Variants in POLR3A observed in about 807,000 individuals in gnomAD.
POLR3A encodes the protein DNA-directed RNA polymerase III subunit RPC1.
A neutral mutation model predicts 152.8 loss-of-function variants in POLR3A; 112 were observed. That is an observed-to-expected ratio of 0.73 (90% confidence interval 0.63 to 0.86). The LOEUF is 0.86. Ranked by LOEUF, POLR3A falls within the 40% of genes least tolerant of loss-of-function variation. POLR3A has a pLI of 0.00. For synonymous variants in POLR3A, 615 were observed against 652.1 expected, an observed-to-expected ratio of 0.94 and a Z score of 0.87; for missense variants, 1,385 against 1,743.1, an observed-to-expected ratio of 0.79 and a Z score of 3.66.
In POLR3A at chr10:77,991,127, T is replaced by C. The variant is rs1245292853; in HGVS notation, c.2828A>G (p.Asn943Ser). ...PCPSEPALSK[N>S]ELILTTESIM... Reference sequence around the variant, plus strand: ...GGACTCTGTGGTCAGGATCAGCTCGTTTTTGCTGAGAGCAGGCTCACTGGG... The same window carrying C: ...GGACTCTGTGGTCAGGATCAGCTCGCTTTTGCTGAGAGCAGGCTCACTGGG... Residue 943 changes from asparagine (N) to serine (S), a missense_variant, in exon 21 of 31, where the codon AAC becomes AGC. By Grantham distance (46) the Asn-to-Ser change is conservative. This residue lies in a region of POLR3A where 178 missense variants were observed against 204.6 expected (regional missense o/e 0.87). Coordinates refer to ENST00000372371, the MANE Select transcript of POLR3A (RefSeq NM_007055.4). 1 of 1,613,370 alleles carries C rather than the reference T, an allele frequency of 6.2e-7. No homozygotes were observed. Among genetic ancestry groups the C allele is most frequent in the Non-Finnish European group, 8.5e-7 (1 of 1,179,480 alleles).
chr10:77,981,791 G>A (rs890592709), intron 28 of POLR3A, among the ~76,000 whole-genome samples: 3 of 150,424 alleles, frequency 2.0e-5, no homozygotes, highest in Admixed American at 6.7e-5. Context: ...TTGGGAGGCC[G>A]AGGCGGGCGG....
chr10:77,978,952 G>A (rs1381842475), intron 30 of POLR3A, among the ~76,000 whole-genome samples: 1 of 151,872 alleles, frequency 6.6e-6, no homozygotes, highest in East Asian at 1.9e-4. Context: ...GTGAGCCACC[G>A]CGCCCGGCCC....
chr10:77,984,204 C>T lies in POLR3A; in HGVS notation c.3336+1G>A, dbSNP rs773370487. ...TGTTATCAATAGGGATTTCTTCTTA[C>T]CTCTCCCAAGAGGGTTTTCTCAATT... On this transcript the variant is annotated splice_donor_variant, in intron 25 of 30. Coordinates refer to ENST00000372371, the MANE Select transcript of POLR3A (RefSeq NM_007055.4). LOFTEE classifies it high-confidence loss of function. The T allele has an allele frequency of 6.3e-7, 1 of 1,588,668 alleles. No individual in the cohort carries two copies. The highest frequency in any genetic ancestry group is 2.2e-5 in the East Asian group (1 of 44,754).
At position 77,997,091 on chromosome 10, in the gene POLR3A, G is replaced by A. The variant is rs535121722; in HGVS notation, c.2616+2890C>T. 2.6e-5 allele frequency among the ~76,000 whole-genome samples: 4 copies of A among 152,094 alleles called. No individual in the cohort carries two copies. The East Asian group carries it at 7.7e-4, about 29-fold the overall frequency. On this transcript the variant is annotated intron_variant, in intron 19 of 30. Transcript: ENST00000372371. ...TGATTATCTCAATAGATGCAGAAAG[G>A]CCTTTGACAAAATTCAACAACCCTT...
chr10:77,996,902 A>G (rs998445385), intron 19 of POLR3A, among the ~76,000 whole-genome samples: 1 of 152,188 alleles, frequency 6.6e-6, no homozygotes, highest in African/African-American at 2.4e-5. Flanking sequence ...ACATCGATGC[A>G]AAAATCCTCA....
Position 77,976,076 on chromosome 10 carries a change from C to A in POLR3A, c.*1402G>T, listed in dbSNP as rs955132947. The A allele has an allele frequency of 3.3e-5, 5 of 151,840 alleles. No homozygotes were observed. The highest frequency in any genetic ancestry group is 9.7e-5 in the African/African-American group (4 of 41,332). 9.4% of individuals were successfully genotyped at this position (151,840 alleles called of 1,614,324 possible). On this transcript the variant is annotated 3_prime_UTR_variant, in exon 31 of 31. Coordinates refer to ENST00000372371, the MANE Select transcript of POLR3A (RefSeq NM_007055.4). ...GTCTACCTTGTAGATGCAGGGAAATCAAAAGGTCAAACTATAATTTTTTAT... is the reference window on the plus strand; with the variant it reads ...GTCTACCTTGTAGATGCAGGGAAATAAAAAGGTCAAACTATAATTTTTTAT...
intron 19 of POLR3A, among the ~76,000 whole-genome samples, chr10:77,997,514 AACAG>A (rs1327039052): frequency 2.0e-5 from 3 of 152,080 alleles, no homozygotes; most frequent in South Asian, 2.1e-4. Flanking sequence ...ATACACCAAT[AACAG>A]ACAGAGAGCC....
intron 17 of POLR3A, among the ~76,000 whole-genome samples, 180 bp downstream of exon 17, chr10:78,002,017 A>C (rs1847362096): frequency 6.6e-6 from 1 of 152,132 alleles, no homozygotes; most frequent in Admixed American, 6.5e-5. Flanking sequence ...CATTACCAAC[A>C]AGTTCCTTCA....
chr10:77,989,881 A>G (rs1025215606), intron 21 of POLR3A, among the ~76,000 whole-genome samples: 1 of 152,212 alleles, frequency 6.6e-6, no homozygotes, highest in African/African-American at 2.4e-5. Flanking sequence ...TTGGAGGAGA[A>G]AAACAGACAA....
At chr10:77,996,049 T>G (rs1395611234) in intron 19 of POLR3A, among the ~76,000 whole-genome samples, 1 of 152,014 alleles carries the variant, frequency 6.6e-6, no homozygotes, top group Non-Finnish European at 1.5e-5. Flanking sequence ...AACAACCTGC[T>G]CCTGAATGAC....
chr10:77,982,244 G>A lies in POLR3A; in HGVS notation c.3669C>T (p.Tyr1223=), dbSNP rs1337528878. ...GGTTATCACCTTCCACCAGAAGCTT[G>A]TACTTCTCCTTTCCACTCTGCTCGT... ...HIDEQSGKEK[Y]KLLVEGDNLR... The change falls in exon 28 of 31, where the codon TAC becomes TAT. Residue 1223 remains tyrosine, a synonymous_variant. Transcript: ENST00000372371. 2 of 1,613,820 alleles carry A rather than the reference G, an allele frequency of 1.2e-6. No homozygotes were observed. Among genetic ancestry groups the A allele is most frequent in the Non-Finnish European group, 8.5e-7 (1 of 1,179,866 alleles).
intron 19 of POLR3A, among the ~76,000 whole-genome samples, chr10:77,993,895 A>G (rs1287676006): frequency 4.6e-5 from 7 of 152,318 alleles, no homozygotes; most frequent in African/African-American, 1.7e-4. Flanking sequence ...AGAACCGTCC[A>G]CCAGCTGAAC....
Position 77,982,790 on chromosome 10 carries a change from T to C in POLR3A, c.3457A>G (p.Ile1153Val), listed in dbSNP as rs1847160433. Reference protein sequence around the residue: ...EVNAETVRYSICTSKLRVKPG... With the variant: ...EVNAETVRYSVCTSKLRVKPG... ...TTCACACGGAGCTTGGATGTGCAGA[T>C]GGAATATCTCACTGTCTCAGCGTTC... Residue 1153 changes from isoleucine (I) to valine (V), a missense_variant, in exon 27 of 31, where the codon ATC (isoleucine) becomes GTC (valine). Around this residue, in one of 7 missense-constraint regions of POLR3A, gnomAD observed 332 missense variants for 400.1 expected, o/e 0.83. Coordinates refer to ENST00000372371, the MANE Select transcript of POLR3A (RefSeq NM_007055.4). The C allele has an allele frequency of 2.5e-6, 4 of 1,613,946 alleles. No individual in the cohort carries two copies. The highest frequency in any genetic ancestry group is 1.1e-5 in the South Asian group (1 of 91,072).
intron 10 of POLR3A, among the ~76,000 whole-genome samples, chr10:78,015,763 C>A: frequency 6.6e-6 from 1 of 152,078 alleles, no homozygotes. Flanking sequence ...CCCACGTGAT[C>A]CTTCTGCCTC....
intron 21 of POLR3A, among the ~76,000 whole-genome samples, chr10:77,988,432 G>T (rs1296871322): frequency 6.6e-6 from 1 of 151,974 alleles, no homozygotes; most frequent in African/African-American, 2.4e-5. Context: ...TGAGGCAGGA[G>T]AATCACTTGA....
rs185660125 is a variant in POLR3A at position 77,975,181 on chromosome 10, C to T, written c.*2297G>A. 20 of 152,308 alleles carry T rather than the reference C, an allele frequency of 1.3e-4. No individual in the cohort carries two copies. Among genetic ancestry groups the T allele is most frequent in the African/African-American group, 4.3e-4 (18 of 41,582 alleles). The allele number at this position is 152,308 out of a possible 1,614,324, so 9.4% of individuals were successfully genotyped here. A position where few individuals can be genotyped will look rare whatever the true frequency, so the allele number is the denominator to read the frequency against. ...GAATTCACACGTATTTTTATTTCTT[C>T]CAAGCAGGTACAGAGACTCAAATGT... On this transcript the variant is annotated 3_prime_UTR_variant, in exon 31 of 31. Coordinates refer to ENST00000372371, the MANE Select transcript of POLR3A (RefSeq NM_007055.4).
chr10:78,003,280 G>T lies in POLR3A; in HGVS notation c.2248-972C>A, dbSNP rs1667117242. 5.3e-5 allele frequency among the ~76,000 whole-genome samples: 8 copies of T among 152,288 alleles called. No homozygotes were observed. In the South Asian group the frequency reaches 1.7e-3, roughly 32 times the overall value. ...TCAGTAAGATTAAGAATGAGCTAAT[G>T]GTAAATACCTCACAAAATTCTGGTT... On this transcript the variant is annotated intron_variant, in intron 16 of 30. Transcript: ENST00000372371.
chr10:78,027,467 GGCT>G (rs1847647980), intron 1 of POLR3A, among the ~76,000 whole-genome samples: 1 of 152,154 alleles, frequency 6.6e-6, no homozygotes, highest in Non-Finnish European at 1.5e-5. Flanking sequence ...AGACCATCCT[GGCT>G]AACATGGTGA....
chr10:78,013,796 G>A lies in POLR3A; in HGVS notation c.1432-6C>T, dbSNP rs762520710. The stretch of plus-strand genomic sequence containing the variant: ...CGGTGGGGCTTGACCCTGGCCTGTG[G>A]AACACAAAACAAAACAAAACAGGAA... On this transcript the variant is annotated splice_region_variant and splice_polypyrimidine_tract_variant and intron_variant, in intron 10 of 30. Transcript: ENST00000372371. 5 of 1,613,984 alleles carry A rather than the reference G, an allele frequency of 3.1e-6. No individual in the cohort carries two copies. Among genetic ancestry groups the A allele is most frequent in the South Asian group, 2.2e-5 (2 of 91,080 alleles).
Sources: allele counts gnomAD v4.1 joint callset (sites outside exome capture counted in the v4.1 genomes callset), GRCh38; gene constraint gnomAD v4.1.1; regional missense constraint gnomAD v4.1.1; transcripts MANE v1.5; gene names NCBI Gene and HGNC (gene_info 2026-07-23, HGNC 2026-07-21).